The following CCDC7 variants were observed in gnomAD, a reference collection of about 807,000 sequenced individuals.
CCDC7 encodes the protein coiled-coil domain-containing protein 7.
CCDC7 carries 183 observed loss-of-function variants against 196.9 expected under a neutral mutation model. The ratio of observed to expected loss-of-function variants is 0.93; its 90% CI spans 0.82 to 1.05. The LOEUF (loss-of-function observed/expected upper bound fraction) is 1.05. Ranked by LOEUF, CCDC7 falls within the 50% of genes least tolerant of loss-of-function variation. CCDC7 has a pLI of 0.00. For missense variants in CCDC7, 1,540 were observed against 1,482.2 expected (o/e 1.04, Z -0.64); for synonymous variants, 525 against 484.6 (o/e 1.08, Z -1.10).
intron 28 of CCDC7, among the ~76,000 whole-genome samples, chr10:32,766,714 T>C (rs906840263): frequency 6.6e-6 from 1 of 152,054 alleles, no homozygotes; most frequent in Non-Finnish European, 1.5e-5. Context: ...TAGTTTGGCA[T>C]GCAGGTAGTA....
intron 41 of CCDC7, among the ~76,000 whole-genome samples, chr10:32,870,204 A>G (rs2094376333): frequency 6.6e-6 from 1 of 151,968 alleles, no homozygotes. Context: ...CATTTTCACG[A>G]TTCTATTGAT....
At chr10:32,471,356 A>G in intron 6 of CCDC7, 126 bp downstream of exon 7, 1 of 1,158,994 alleles carries the variant, frequency 8.6e-7, no homozygotes, top group African/African-American at 1.6e-5. Flanking sequence ...AATCAGGTCT[A>G]GTCAGCTTGT....
At chr10:32,806,561 G>A (rs563970522) in intron 30 of CCDC7, among the ~76,000 whole-genome samples, 59 of 152,146 alleles carry the variant, frequency 3.9e-4, no homozygotes, top group African/African-American at 1.2e-3. Flanking sequence ...ATTTTGCAAA[G>A]GGCCACATGG....
chr10:32,667,820 T>A (rs1215834726), intron 21 of CCDC7, among the ~76,000 whole-genome samples: 3 of 152,272 alleles, frequency 2.0e-5, no homozygotes, highest in Admixed American at 6.5e-5. Context: ...CCAGCTTTGT[T>A]CTTTTGGCTT....
chr10:32,824,062 T>C (rs2090718258), intron 31 of CCDC7, among the ~76,000 whole-genome samples: 1 of 152,130 alleles, frequency 6.6e-6, no homozygotes, highest in Non-Finnish European at 1.5e-5. Context: ...GTGATGACCA[T>C]TGTGTGCAGA....
intron 6 of CCDC7, 35 bp downstream of exon 7, chr10:32,471,265 C>T (rs1564374939): frequency 1.9e-6 from 3 of 1,594,070 alleles, no homozygotes; most frequent in Middle Eastern, 1.9e-4. Flanking sequence ...GAATTAAAAA[C>T]AGTAAGAAAG....
chr10:32,595,059 C>G (rs1028862081), intron 18 of CCDC7, among the ~76,000 whole-genome samples: 27 of 152,076 alleles, frequency 1.8e-4, no homozygotes, highest in Non-Finnish European at 3.4e-4. Context: ...TGATGTTGGC[C>G]TCATAAAATG....
chr10:32,700,649 A>G (rs766605842), intron 24 of CCDC7, among the ~76,000 whole-genome samples: 2 of 152,162 alleles, frequency 1.3e-5, no homozygotes, highest in Non-Finnish European at 2.9e-5. Flanking sequence ...CTTGGGGAAT[A>G]TGGCCATTTT....
At chr10:32,756,866 CAG>C (rs772974796) in intron 28 of CCDC7, among the ~76,000 whole-genome samples, 3 of 152,174 alleles carry the variant, frequency 2.0e-5, no homozygotes, top group Non-Finnish European at 2.9e-5. Context: ...ATCTCACGTG[CAG>C]AGACACACAT....
chr10:32,620,075 A>G (rs978048582), intron 18 of CCDC7, among the ~76,000 whole-genome samples: 7 of 151,680 alleles, frequency 4.6e-5, no homozygotes, highest in Non-Finnish European at 8.8e-5. Context: ...GACATGCACC[A>G]CCACACTCGG....
rs140834303 is a variant in CCDC7 at position 32,601,451 on chromosome 10, G to A, written c.1801+17147G>A. Among the ~76,000 whole-genome samples, 29 of 152,288 alleles carry A rather than the reference G, an allele frequency of 1.9e-4. No individual in the cohort carries two copies. The East Asian group carries it at 4.8e-3, about 25-fold the overall frequency. On this transcript the variant is annotated intron_variant, in intron 18 of 41. Transcript: ENST00000639629. ...TGTTCTGCAGACTTCTGACAAAGTT[G>A]GTTCTGATAGTTTTGGCTTGTGTTT...
At chr10:32,652,142 T>C (rs2068882283) in intron 20 of CCDC7, among the ~76,000 whole-genome samples, 1 of 152,218 alleles carries the variant, frequency 6.6e-6, no homozygotes, top group Admixed American at 6.5e-5. Flanking sequence ...TCTGTTGTAT[T>C]GAGCCCTTTA....
chr10:32,654,269 T>C (rs753050710), intron 20 of CCDC7, among the ~76,000 whole-genome samples: 22 of 152,338 alleles, frequency 1.4e-4, no homozygotes, highest in Non-Finnish European at 2.8e-4. Context: ...AGTTTTATAA[T>C]AGCTGATTTA....
At chr10:32,863,103 A>G (rs1428688960) in intron 41 of CCDC7, among the ~76,000 whole-genome samples, 1 of 152,096 alleles carries the variant, frequency 6.6e-6, no homozygotes, top group Non-Finnish European at 1.5e-5. Flanking sequence ...TTAACAAAAT[A>G]CCAATCAAAA....
chr10:32,726,633 G>A, intron 25 of CCDC7, 101 bp from the exon 27 acceptor site: 1 of 602,060 alleles, frequency 1.7e-6, no homozygotes, highest in Non-Finnish European at 2.9e-6. Flanking sequence ...AAAAAATATT[G>A]CTATATACTT....
chr10:32,465,109 G>T (rs898261326), intron 5 of CCDC7, among the ~76,000 whole-genome samples: 14 of 67,282 alleles, frequency 2.1e-4, no homozygotes, highest in Non-Finnish European at 4.9e-4. Context: ...AATGAAACTA[G>T]TTTTTTTTTT....
intron 32 of CCDC7, among the ~76,000 whole-genome samples, chr10:32,828,434 G>GAA (rs2091491719): frequency 1.5e-5 from 1 of 65,820 alleles, no homozygotes; most frequent in African/African-American, 4.1e-5. Context: ...GAAGAAGGAA[G>GAA]GAAGGAGAAG....
chr10:32,613,757 A>T (rs2062449861), intron 18 of CCDC7, among the ~76,000 whole-genome samples: 1 of 151,852 alleles, frequency 6.6e-6, no homozygotes, highest in Admixed American at 6.6e-5. Flanking sequence ...TTCTAATTTG[A>T]TTGCATTGTG....
At chr10:32,744,419 A>G (rs1232739332) in intron 28 of CCDC7, among the ~76,000 whole-genome samples, 3 of 151,040 alleles carry the variant, frequency 2.0e-5, no homozygotes, top group Non-Finnish European at 4.4e-5. Flanking sequence ...CAGAGTGGCT[A>G]TGCCATTTTG....
Sources: gnomAD v4.1 joint callset for allele counts (sites outside exome capture counted in the v4.1 genomes callset) on GRCh38, gnomAD v4.1.1 for gene constraint, MANE v1.5 for transcripts, NCBI Gene and HGNC (gene_info 2026-07-23, HGNC 2026-07-21) for gene names.